The following NPAS2 variants were observed in gnomAD, a reference collection of about 807,000 sequenced individuals.
The protein encoded by NPAS2 is neuronal PAS domain protein 2, also known as neuronal PAS domain-containing protein 2.
NPAS2 carries 23 observed loss-of-function variants against 107.5 expected under a neutral mutation model. The observed-to-expected ratio is 0.21, with a 90% confidence interval of 0.15 to 0.30. NPAS2 has a LOEUF of 0.30. Ranked by LOEUF, NPAS2 falls within the 10% of genes least tolerant of loss-of-function variation. The pLI, the probability that NPAS2 is intolerant of heterozygous loss-of-function variation, is 1.00. For synonymous variants in NPAS2, 403 were observed against 417.5 expected, an observed-to-expected ratio of 0.97 and a Z score of 0.42; for missense variants, 756 against 1,043.3, an observed-to-expected ratio of 0.72 and a Z score of 3.79.
intron 1 of NPAS2, among the ~76,000 whole-genome samples, chr2:100,827,178 C>T (rs1676442266): frequency 1.3e-5 from 2 of 152,102 alleles, no homozygotes; most frequent in Non-Finnish European, 2.9e-5. Flanking sequence ...CAAGAAAACC[C>T]TGAGGAGATG....
chr2:100,977,514 G>A (rs1390428308), intron 14 of NPAS2, among the ~76,000 whole-genome samples, 196 bp from the exon 15 acceptor site: 1 of 152,210 alleles, frequency 6.6e-6, no homozygotes, highest in East Asian at 1.9e-4. Context: ...TGCACCAGTT[G>A]TGCAGGGGCT....
At chr2:100,939,276 T>C (rs993297024) in intron 5 of NPAS2, among the ~76,000 whole-genome samples, 2 of 152,250 alleles carry the variant, frequency 1.3e-5, no homozygotes. Context: ...GCTAAGCAGA[T>C]GCCTTCCCAG....
chr2:100,856,368 T>A (rs1336741181), intron 1 of NPAS2, among the ~76,000 whole-genome samples: 2 of 152,340 alleles, frequency 1.3e-5, no homozygotes, highest in Non-Finnish European at 2.9e-5. Context: ...AGGCTCCCAA[T>A]GCTGTCTGCT....
At chr2:100,938,142 G>T (rs988154953) in intron 5 of NPAS2, among the ~76,000 whole-genome samples, 4 of 152,222 alleles carry the variant, frequency 2.6e-5, no homozygotes, top group South Asian at 2.1e-4. Context: ...GAGAGTCACA[G>T]CACTGTTAGT....
At chr2:100,975,715 G>A (rs1401479027) in intron 14 of NPAS2, 148 bp downstream of exon 14, 1 of 532,934 alleles carries the variant, frequency 1.9e-6, no homozygotes, top group Non-Finnish European at 3.3e-6. Flanking sequence ...GGGAAGTTAA[G>A]TAATTTAATT....
chr2:100,933,801 T>C (rs1558885663), intron 4 of NPAS2, among the ~76,000 whole-genome samples: 1 of 152,250 alleles, frequency 6.6e-6, no homozygotes. Context: ...GCATGACATA[T>C]CCACGCCCGC....
chr2:100,972,910 G>C (rs768113958), intron 12 of NPAS2: 1 of 152,246 alleles, frequency 6.6e-6, no homozygotes, highest in African/African-American at 2.4e-5. Context: ...GCCGGGCACG[G>C]TGGCTCACGC....
At chr2:100,935,127 A>C (rs1193444859) in intron 4 of NPAS2, 2 of 979,970 alleles carry the variant, frequency 2.0e-6, no homozygotes, top group Non-Finnish European at 2.4e-6. Context: ...AGACCAGCCA[A>C]GCTGGTAAAG....
intron 5 of NPAS2, among the ~76,000 whole-genome samples, chr2:100,942,845 ACT>A (rs1368123415): frequency 6.6e-6 from 1 of 151,932 alleles, no homozygotes; most frequent in African/African-American, 2.4e-5. Context: ...TTGAAAATGG[ACT>A]CTTGTGACTT....
chr2:100,870,077 T>G lies in NPAS2; in HGVS notation c.-22-34656T>G, dbSNP rs562341536. ...CTGCGACCACGCCAGGCTAATTTTT[T>G]GTTTTCAGAGATGGGGTTTCACCGT... On this transcript the variant is annotated intron_variant, in intron 1 of 20. Coordinates refer to ENST00000335681, the MANE Select transcript of NPAS2 (RefSeq NM_002518.4). 4.5e-4 allele frequency among the ~76,000 whole-genome samples: 68 copies of G among 152,074 alleles called. No homozygotes were observed. In the South Asian group the frequency reaches 5.0e-3, roughly 11 times the overall value.
At chr2:100,893,715 G>C (rs1289766450) in intron 1 of NPAS2, among the ~76,000 whole-genome samples, 1 of 152,206 alleles carries the variant, frequency 6.6e-6, no homozygotes, top group Non-Finnish European at 1.5e-5. Context: ...ACTGCTGTCT[G>C]GGGACCAAAT....
chr2:100,935,619 G>C (rs556817506), intron 4 of NPAS2, among the ~76,000 whole-genome samples: 1 of 152,162 alleles, frequency 6.6e-6, no homozygotes, highest in South Asian at 2.1e-4. Context: ...TTTAACACCC[G>C]CTTGCTTTAG....
chr2:100,909,052 A>C (rs1682354920), intron 2 of NPAS2, among the ~76,000 whole-genome samples: 1 of 152,242 alleles, frequency 6.6e-6, no homozygotes, highest in Non-Finnish European at 1.5e-5. Flanking sequence ...CAGATATTTC[A>C]GAAGGAAAAG....
intron 2 of NPAS2, among the ~76,000 whole-genome samples, chr2:100,909,496 C>G (rs1408641185): frequency 6.6e-6 from 1 of 152,164 alleles, no homozygotes; most frequent in Non-Finnish European, 1.5e-5. Flanking sequence ...AGGCTGTAGC[C>G]CTTTTGGAGG....
chr2:100,857,824 CAT>C (rs1678679084), intron 1 of NPAS2, among the ~76,000 whole-genome samples: 1 of 152,240 alleles, frequency 6.6e-6, no homozygotes, highest in Non-Finnish European at 1.5e-5. Context: ...GAAACAACCA[CAT>C]GTGTATATTT....
chr2:100,824,192 C>T (rs114946639), intron 1 of NPAS2, among the ~76,000 whole-genome samples: 1 of 152,114 alleles, frequency 6.6e-6, no homozygotes, highest in Non-Finnish European at 1.5e-5. Context: ...ATTAGAGATT[C>T]AATTTGGTTT....
chr2:100,856,012 A>G (rs369758684), intron 1 of NPAS2, among the ~76,000 whole-genome samples: 2 of 152,258 alleles, frequency 1.3e-5, no homozygotes, highest in South Asian at 2.1e-4. Flanking sequence ...CTCCAAACAC[A>G]TTCTACTTAT....
chr2:100,898,660 C>T (rs1019183214), intron 1 of NPAS2, among the ~76,000 whole-genome samples: 9 of 152,002 alleles, frequency 5.9e-5, no homozygotes, highest in Admixed American at 3.3e-4. Context: ...AGCAATGGCT[C>T]CAATTGTTAA....
At chr2:100,888,817 A>G (rs764759024) in intron 1 of NPAS2, among the ~76,000 whole-genome samples, 4 of 151,722 alleles carry the variant, frequency 2.6e-5, no homozygotes, top group Non-Finnish European at 5.9e-5. Context: ...TCAGGCGGAC[A>G]TGTCTTGGAC....
Sources: allele counts gnomAD v4.1 joint callset (sites outside exome capture counted in the v4.1 genomes callset), GRCh38; gene constraint gnomAD v4.1.1; transcripts MANE v1.5; gene names NCBI Gene and HGNC (gene_info 2026-07-23, HGNC 2026-07-21).